ALK: variants seen among roughly 807,000 people sequenced by gnomAD.
ALK encodes the protein ALK receptor tyrosine kinase, also known as ALK tyrosine kinase receptor.
A neutral mutation model predicts 163.1 loss-of-function variants in ALK; 74 were observed. The ratio of observed to expected loss-of-function variants is 0.45; its 90% CI spans 0.38 to 0.55. The LOEUF (loss-of-function observed/expected upper bound fraction) is 0.55. Among genes scored for constraint, ALK ranks in the 20% least tolerant of loss-of-function variants. The pLI, the probability that ALK is intolerant of heterozygous loss-of-function variation, is 0.00. For synonymous variants in ALK, 960 were observed against 843.2 expected, an observed-to-expected ratio of 1.14 and a Z score of -2.40; for missense variants, 2,063 against 2,105.3, an observed-to-expected ratio of 0.98 and a Z score of 0.39.
rs980488146 is a variant in ALK, at chr2:29,813,789, G to T, written c.668-96092C>A. 2.6e-5 allele frequency among the ~76,000 whole-genome samples: 4 copies of T among 152,152 alleles called. No homozygotes were observed. The East Asian group carries it at 7.7e-4, about 29-fold the overall frequency. On this transcript the variant is annotated intron_variant, in intron 1 of 28. Coordinates refer to ENST00000389048, the MANE Select transcript of ALK (RefSeq NM_004304.5). ...TTGTGGAACCCCGTAACTCACAATT[G>T]TGTGGCAAATAGCATCTATATCATC...
At chr2:29,742,081 C>T (rs1198540033) in intron 1 of ALK, among the ~76,000 whole-genome samples, 1 of 152,240 alleles carries the variant, frequency 6.6e-6, no homozygotes, top group Non-Finnish European at 1.5e-5. Flanking sequence ...GGGCCATTTC[C>T]AACTCATGAC....
chr2:29,232,524 C>G, intron 14 of ALK, 76 bp from the exon 15 acceptor site: 1 of 1,594,382 alleles, frequency 6.3e-7, no homozygotes, highest in South Asian at 1.1e-5. Context: ...CTGGTAAATT[C>G]AACCTGACTG....
chr2:29,300,554 CA>C (rs10715550), intron 8 of ALK, among the ~76,000 whole-genome samples: 53,272 of 94,674 alleles, frequency 0.56, 12,468 homozygotes, highest in South Asian at 0.65. Context: ...GACTCTGTCT[CA>C]AAAAAAAAAA....
intron 26 of ALK, among the ~76,000 whole-genome samples, chr2:29,201,766 G>A (rs979072536): frequency 1.4e-5 from 2 of 140,766 alleles, no homozygotes; most frequent in Non-Finnish European, 3.0e-5. Context: ...CAGCCGGGGC[G>A]ACAGAATGAC....
chr2:29,684,315 T>A (rs1678174143), intron 3 of ALK, among the ~76,000 whole-genome samples: 1 of 152,182 alleles, frequency 6.6e-6, no homozygotes, highest in Non-Finnish European at 1.5e-5. Context: ...GATGATCTAG[T>A]CCCACCCACT....
chr2:29,688,502 A>G (rs1027398804), intron 3 of ALK, among the ~76,000 whole-genome samples: 3 of 152,212 alleles, frequency 2.0e-5, no homozygotes, highest in Non-Finnish European at 4.4e-5. Flanking sequence ...AAAATATTTT[A>G]CCAATGGGGC....
chr2:29,569,681 G>A (rs1404561684), intron 3 of ALK, among the ~76,000 whole-genome samples: 1 of 152,186 alleles, frequency 6.6e-6, no homozygotes, highest in Non-Finnish European at 1.5e-5. Context: ...GCACCAGAGG[G>A]CTCTGGTGGG....
intron 5 of ALK, among the ~76,000 whole-genome samples, chr2:29,363,462 T>C (rs1668428904): frequency 1.3e-5 from 2 of 152,208 alleles, no homozygotes; most frequent in Non-Finnish European, 2.9e-5. Context: ...AGAAATCACC[T>C]GGCCTCATCT....
At chr2:29,474,091 A>G (rs1347414648) in intron 4 of ALK, among the ~76,000 whole-genome samples, 2 of 152,232 alleles carry the variant, frequency 1.3e-5, no homozygotes, top group Non-Finnish European at 2.9e-5. Context: ...AAATGTATAT[A>G]TGCTCCAAAA....
chr2:29,661,564 T>A (rs1234134632), intron 3 of ALK, among the ~76,000 whole-genome samples: 1 of 152,222 alleles, frequency 6.6e-6, no homozygotes, highest in Non-Finnish European at 1.5e-5. Flanking sequence ...TAACAGGTGA[T>A]GTTCTAAGAC....
chr2:29,538,274 G>A (rs1459395943), intron 3 of ALK, among the ~76,000 whole-genome samples: 4 of 152,218 alleles, frequency 2.6e-5, no homozygotes, highest in Non-Finnish European at 5.9e-5. Flanking sequence ...AATGTTGGAG[G>A]TGGAGTCTGG....
chr2:29,903,479 C>T (rs916867534), intron 1 of ALK, among the ~76,000 whole-genome samples: 1 of 152,152 alleles, frequency 6.6e-6, no homozygotes, highest in African/African-American at 2.4e-5. Flanking sequence ...TCAGTCCCAA[C>T]CCTAACATAA....
intron 3 of ALK, among the ~76,000 whole-genome samples, chr2:29,620,641 G>A (rs144033463): frequency 7.2e-5 from 11 of 152,070 alleles, no homozygotes; most frequent in Admixed American, 4.6e-4. Flanking sequence ...TACTCCAGGC[G>A]GCAGACTTCT....
intron 25 of ALK, 122 bp from the exon 26 acceptor site, chr2:29,207,394 A>C: frequency 1.3e-6 from 1 of 776,062 alleles, no homozygotes. Flanking sequence ...GAAATTAACC[A>C]TGAGTCCTTG....
chr2:29,261,398 A>C (rs1391816954), intron 11 of ALK, among the ~76,000 whole-genome samples: 1 of 152,216 alleles, frequency 6.6e-6, no homozygotes, highest in Admixed American at 6.5e-5. Context: ...TAAAAAAAAA[A>C]AACTATGCTG....
chr2:29,741,016 T>C (rs562339691), intron 1 of ALK, among the ~76,000 whole-genome samples: 2 of 151,452 alleles, frequency 1.3e-5, no homozygotes, highest in African/African-American at 4.8e-5. Context: ...AAAAATAAAG[T>C]AAAATAAAAA....
chr2:29,876,032 C>G (rs1219735289), intron 1 of ALK, among the ~76,000 whole-genome samples: 2 of 152,184 alleles, frequency 1.3e-5, no homozygotes, highest in Admixed American at 6.5e-5. Context: ...CATCCTCACT[C>G]TGGACTACGG....
intron 23 of ALK, among the ~76,000 whole-genome samples, chr2:29,216,197 G>A (rs1287087011): frequency 6.6e-6 from 1 of 152,290 alleles, no homozygotes; most frequent in African/African-American, 2.4e-5. Flanking sequence ...GCACTTCCTC[G>A]GACCCAGCTG....
rs576978906 is a variant in ALK, at chr2:29,427,121, A to C, written c.1155-43262T>G. 5.3e-4 allele frequency among the ~76,000 whole-genome samples: 74 copies of C among 139,406 alleles called. No homozygotes were observed. In the South Asian group the frequency reaches 7.0e-3, roughly 13 times the overall value. 91.5% of individuals were successfully genotyped at this position (139,406 alleles called of 152,430 possible). ...ATTGCTGGGCCTAAAATAAATAGAA[A>C]TGTATTATATATTTGATAATAACCG... is the stretch of plus-strand genomic sequence containing the variant. On this transcript the variant is annotated intron_variant, in intron 4 of 28. Transcript: ENST00000389048.
Sources: allele counts gnomAD v4.1 joint callset (sites outside exome capture counted in the v4.1 genomes callset), GRCh38; gene constraint gnomAD v4.1.1; transcripts MANE v1.5; gene names NCBI Gene and HGNC (gene_info 2026-07-23, HGNC 2026-07-21).